The following PPP1R8 variants were observed in gnomAD, a reference collection of about 807,000 sequenced individuals.
PPP1R8 encodes protein phosphatase 1 regulatory subunit 8.
In PPP1R8, 4 loss-of-function variants were observed where a neutral mutation model predicts 31.3. The ratio of observed to expected loss-of-function variants is 0.13; its 90% confidence interval spans 0.06 to 0.29. The LOEUF is 0.29. Among genes scored for constraint, PPP1R8 ranks in the 10% least tolerant of loss-of-function variants. The probability of loss-of-function intolerance (pLI) is 1.00; values close to 1 mark genes in which losing one functional copy is unlikely to be tolerated. For synonymous variants in PPP1R8, 170 were observed against 169.7 expected (o/e 1.00, Z -0.01); for missense variants, 254 against 440.1 (o/e 0.58, Z 3.78).
chr1:27,851,497 A>T lies in PPP1R8; in HGVS notation c.*1051A>T, dbSNP rs1017501479. On this transcript the variant is annotated 3_prime_UTR_variant, in exon 7 of 7. Coordinates refer to ENST00000311772, the MANE Select transcript of PPP1R8 (RefSeq NM_014110.5). ...GTGTAGCTTTTTACCTGTAACCTTT[A>T]TTACATTGTAAATTAAACGTAACTT... The T allele has an allele frequency of 2.2e-6, 1 of 460,624 alleles. No homozygotes were observed. Among genetic ancestry groups the T allele is most frequent in the Admixed American group, 2.3e-5 (1 of 42,898 alleles). The allele number at this position is 460,624 out of a possible 1,614,324, so 28.5% of individuals were successfully genotyped here.
chr1:27,837,597 G>A (rs2089181827), intron 2 of PPP1R8, among the ~76,000 whole-genome samples: 6 of 148,654 alleles, frequency 4.0e-5, no homozygotes, highest in Admixed American at 3.4e-4. Flanking sequence ...TGGCTAACAC[G>A]GTGAAACCCC....
intron 1 of PPP1R8, among the ~76,000 whole-genome samples, chr1:27,831,680 G>A (rs1229541677): frequency 1.3e-5 from 2 of 152,144 alleles, no homozygotes; most frequent in Non-Finnish European, 2.9e-5. Flanking sequence ...CTAGGCCTGA[G>A]TCAGGCACAT....
intron 1 of PPP1R8, chr1:27,831,113 A>ATAC: frequency 7.4e-7 from 1 of 1,349,708 alleles, no homozygotes. Context: ...GGGGGCTCAA[A>ATAC]GGCGCTCACT....
intron 2 of PPP1R8, chr1:27,834,450 G>A (rs1375578992): frequency 5.8e-6 from 3 of 519,044 alleles, no homozygotes; most frequent in Non-Finnish European, 1.2e-5. Flanking sequence ...TGTGTCAAAG[G>A]CTTGTGATGT....
At chr1:27,845,858 C>T (rs2089274851) in intron 5 of PPP1R8, among the ~76,000 whole-genome samples, 2 of 134,726 alleles carry the variant, frequency 1.5e-5, no homozygotes, top group East Asian at 2.3e-4. Context: ...GGCGTGATCT[C>T]GGCTCACTGC....
At chr1:27,848,140 C>T (rs1433240402) in intron 6 of PPP1R8, among the ~76,000 whole-genome samples, 6 of 152,080 alleles carry the variant, frequency 3.9e-5, no homozygotes, top group Non-Finnish European at 8.8e-5. Context: ...CGGTGGCTCA[C>T]GCCTGTAATC....
intron 1 of PPP1R8, among the ~76,000 whole-genome samples, chr1:27,832,381 C>T (rs749053057): frequency 1.3e-5 from 2 of 152,144 alleles, no homozygotes; most frequent in African/African-American, 4.8e-5. Flanking sequence ...CTAATTTATT[C>T]GGTCTTTATA....
chr1:27,839,888 C>T (rs2089206266), intron 3 of PPP1R8, among the ~76,000 whole-genome samples: 1 of 152,036 alleles, frequency 6.6e-6, no homozygotes, highest in Admixed American at 6.6e-5. Context: ...ATGAGACCCG[C>T]GTCTCTACAA....
chr1:27,844,109 C>A (rs965753817), intron 5 of PPP1R8, among the ~76,000 whole-genome samples: 9 of 151,910 alleles, frequency 5.9e-5, no homozygotes, highest in Non-Finnish European at 1.2e-4. Context: ...CTCAGGTGAT[C>A]CTCCCACCTC....
chr1:27,832,434 G>A (rs1301319749), intron 1 of PPP1R8, among the ~76,000 whole-genome samples: 4 of 152,164 alleles, frequency 2.6e-5, no homozygotes, highest in Non-Finnish European at 5.9e-5. Context: ...AACTCCAGGT[G>A]ACTAGACCAC....
intron 1 of PPP1R8, 34 bp downstream of exon 1, chr1:27,830,925 C>T (rs972401153): frequency 8.5e-6 from 13 of 1,537,818 alleles, no homozygotes; most frequent in East Asian, 2.5e-5. Flanking sequence ...TAGAGTGGCC[C>T]GGCCGGAGCT....
At chr1:27,831,209 C>T (rs112986243) in intron 1 of PPP1R8, 1 of 1,115,310 alleles carries the variant, frequency 9.0e-7, no homozygotes. Flanking sequence ...GACTGAGTGC[C>T]TGGTGCTCTC....
intron 2 of PPP1R8, among the ~76,000 whole-genome samples, chr1:27,835,606 G>T (rs1256764041): frequency 3.7e-4 from 57 of 152,228 alleles, no homozygotes; most frequent in Admixed American, 3.7e-3. Flanking sequence ...GGCTGAGCTT[G>T]AAAGAAACTG....
At chr1:27,849,614 G>C (rs181116455) in intron 6 of PPP1R8, among the ~76,000 whole-genome samples, 2 of 151,960 alleles carry the variant, frequency 1.3e-5, no homozygotes, top group African/African-American at 4.8e-5. Flanking sequence ...TCAGCCTCCC[G>C]AGTAGCTGTG....
chr1:27,831,121 A>T, intron 1 of PPP1R8: 1 of 1,335,302 alleles, frequency 7.5e-7, no homozygotes, highest in East Asian at 3.1e-5. Context: ...AAAGGCGCTC[A>T]CTTAGGCAGC....
At chr1:27,839,966 G>A (rs2089207406) in intron 3 of PPP1R8, among the ~76,000 whole-genome samples, 1 of 152,058 alleles carries the variant, frequency 6.6e-6, no homozygotes, top group Non-Finnish European at 1.5e-5. Context: ...AGGCTTAAGT[G>A]GGAGGATCGT....
At chr1:27,845,366 G>A (rs1179167960) in intron 5 of PPP1R8, among the ~76,000 whole-genome samples, 1 of 150,430 alleles carries the variant, frequency 6.6e-6, no homozygotes, top group Non-Finnish European at 1.5e-5. Flanking sequence ...CTCCAGCCTG[G>A]GCGACAGAGC....
intron 3 of PPP1R8, among the ~76,000 whole-genome samples, 154 bp from the exon 4 acceptor site, chr1:27,840,860 G>A (rs1239871812): frequency 6.6e-6 from 1 of 152,072 alleles, no homozygotes; most frequent in Non-Finnish European, 1.5e-5. Flanking sequence ...CCTGACTATG[G>A]CATTTTTAAA....
At position 27,851,495 on chromosome 1, in the gene PPP1R8, TTA is replaced by T. The variant is rs1185069137; in HGVS notation, c.*1051_*1052del. ...ATGTGTAGCTTTTTACCTGTAACCT[TTA>T]TTACATTGTAAATTAAACGTAACTT... On this transcript the variant is annotated 3_prime_UTR_variant, in exon 7 of 7. Coordinates refer to ENST00000311772, the MANE Select transcript of PPP1R8 (RefSeq NM_014110.5). The T allele has an allele frequency of 6.5e-6, 3 of 460,152 alleles. No individual in the cohort carries two copies. The Admixed American group carries it at 7.0e-5, about 11-fold the overall frequency. The allele number at this position is 460,152 out of a possible 1,614,324, so 28.5% of individuals were successfully genotyped here. A position where few individuals can be genotyped will look rare whatever the true frequency, so the allele number is the denominator to read the frequency against.
Sources: allele counts gnomAD v4.1 joint callset (sites outside exome capture counted in the v4.1 genomes callset), GRCh38; gene constraint gnomAD v4.1.1; transcripts MANE v1.5; gene names NCBI Gene and HGNC (gene_info 2026-07-23, HGNC 2026-07-21).